The following ABTB3 variants were observed in gnomAD, a reference collection of about 807,000 sequenced individuals.
The protein encoded by ABTB3 is ankyrin repeat and BTB domain containing 3.
the ABTB3 span, among the ~76,000 whole-genome samples, chr12:107,527,358 G>A: frequency 1.3e-5 from 2 of 151,948 alleles, no homozygotes; most frequent in African/African-American, 4.8e-5. Context: ...TGCAACCTCC[G>A]CCTCCTGGGT....
chr12:107,432,760 G>A, the ABTB3 span, among the ~76,000 whole-genome samples: 119 of 152,276 alleles, frequency 7.8e-4, 2 homozygotes, highest in Non-Finnish European at 1.8e-4. Flanking sequence ...CCTGGTCTCC[G>A]TACAGACTTC....
chr12:107,409,194 C>T, the ABTB3 span, among the ~76,000 whole-genome samples: 28 of 152,328 alleles, frequency 1.8e-4, no homozygotes, highest in East Asian at 5.4e-3. Flanking sequence ...GTGAGAGAGC[C>T]CAGGCCCCAT....
chr12:107,658,658 A>G, the ABTB3 span: 47,208 of 152,534 alleles, frequency 0.31, 7,639 homozygotes, highest in East Asian at 0.57. Flanking sequence ...CCATTTGGTG[A>G]AACCAACATA....
the ABTB3 span, among the ~76,000 whole-genome samples, chr12:107,338,884 G>A: frequency 5.9e-5 from 9 of 152,254 alleles, no homozygotes; most frequent in Admixed American, 4.6e-4. Context: ...GGCTATTCAC[G>A]GGTATAATCA....
the ABTB3 span, chr12:107,618,333 G>T: frequency 1.5e-5 from 24 of 1,613,534 alleles, no homozygotes; most frequent in Non-Finnish European, 2.0e-5. Flanking sequence ...GTATCACAGC[G>T]CTGAGCATGG....
At chr12:107,496,029 A>G in the ABTB3 span, among the ~76,000 whole-genome samples, 1 of 152,132 alleles carries the variant, frequency 6.6e-6, no homozygotes, top group Non-Finnish European at 1.5e-5. Flanking sequence ...TTATTGCCCC[A>G]TGACTGTTAG....
chr12:107,601,148 T>G, the ABTB3 span, among the ~76,000 whole-genome samples: 2 of 152,226 alleles, frequency 1.3e-5, no homozygotes, highest in African/African-American at 4.8e-5. Flanking sequence ...CAGTGAAGAC[T>G]ATTATCATCT....
chr12:107,497,519 C>G, the ABTB3 span, among the ~76,000 whole-genome samples: 1 of 151,580 alleles, frequency 6.6e-6, no homozygotes. Context: ...ACCACACCAT[C>G]CCACCACCAT....
chr12:107,482,904 C>CTTTCTTCT, the ABTB3 span, among the ~76,000 whole-genome samples: 21 of 134,930 alleles, frequency 1.6e-4, no homozygotes, highest in East Asian at 1.0e-3. Flanking sequence ...CTCTCTCTCT[C>CTTTCTTCT]TCTTTCTTCT....
At chr12:107,636,971 G>A in the ABTB3 span, among the ~76,000 whole-genome samples, 1 of 152,222 alleles carries the variant, frequency 6.6e-6, no homozygotes, top group Admixed American at 6.5e-5. Flanking sequence ...TTCACTAGCA[G>A]TTAAAAGTTT....
chr12:107,352,120 C>A, the ABTB3 span, among the ~76,000 whole-genome samples: 2 of 152,086 alleles, frequency 1.3e-5, no homozygotes, highest in African/African-American at 4.8e-5. Flanking sequence ...GGGAGAGATA[C>A]CCCAGTCAAC....
At chr12:107,615,247 T>G in the ABTB3 span, 5 of 1,022,014 alleles carry the variant, frequency 4.9e-6, no homozygotes, top group Non-Finnish European at 7.5e-6. Context: ...AGCATGCATA[T>G]TCTCTAAGAC....
At chr12:107,394,863 C>T in the ABTB3 span, among the ~76,000 whole-genome samples, 2 of 152,222 alleles carry the variant, frequency 1.3e-5, no homozygotes, top group African/African-American at 4.8e-5. Context: ...CAGGGGATTC[C>T]CTCAGGGTGG....
chr12:107,595,956 C>A, the ABTB3 span, among the ~76,000 whole-genome samples: 1 of 151,522 alleles, frequency 6.6e-6, no homozygotes, highest in African/African-American at 2.4e-5. Context: ...TACGTATATT[C>A]ACTTATATAT....
At chr12:107,605,858 G>A in the ABTB3 span, among the ~76,000 whole-genome samples, 3 of 152,142 alleles carry the variant, frequency 2.0e-5, no homozygotes. Flanking sequence ...GATTTCATTG[G>A]CAAAACCAAC....
chr12:107,338,308 T>A, the ABTB3 span, among the ~76,000 whole-genome samples: 1 of 152,240 alleles, frequency 6.6e-6, no homozygotes, highest in Non-Finnish European at 1.5e-5. Context: ...ATTAATTCTT[T>A]AGACTTCCAT....
chr12:107,490,459 C>G, the ABTB3 span, among the ~76,000 whole-genome samples: 1 of 152,236 alleles, frequency 6.6e-6, no homozygotes, highest in South Asian at 2.1e-4. Context: ...TGGCATAGTA[C>G]TGCCTCTGGA....
chr12:107,574,994 C>G, the ABTB3 span, among the ~76,000 whole-genome samples: 1 of 152,180 alleles, frequency 6.6e-6, no homozygotes, highest in South Asian at 2.1e-4. Context: ...GGCTTTGGTG[C>G]CCACAGATGC....
the ABTB3 span, chr12:107,617,223 T>G: frequency 5.0e-6 from 8 of 1,611,668 alleles, no homozygotes; most frequent in Non-Finnish European, 6.8e-6. Flanking sequence ...GGAGCTCCAG[T>G]GCACCCTGGC....
Sources: gnomAD v4.1 joint callset for allele counts (sites outside exome capture counted in the v4.1 genomes callset) on GRCh38, gnomAD v4.1.1 for gene constraint, MANE v1.5 for transcripts, NCBI Gene and HGNC (gene_info 2026-07-23, HGNC 2026-07-21) for gene names.